FSTL5: variants seen among roughly 807,000 people sequenced by gnomAD.
FSTL5 encodes the protein follistatin like 5.
A neutral mutation model predicts 89.1 loss-of-function variants in FSTL5; 62 were observed. The ratio of observed to expected loss-of-function variants is 0.70; its 90% CI spans 0.57 to 0.86. FSTL5 has a LOEUF of 0.86. FSTL5 is among the 40% of genes least tolerant of loss of function. The pLI is 0.00. For missense variants in FSTL5, 1,057 were observed against 1,001.6 expected (o/e 1.06, Z -0.75); for synonymous variants, 383 against 346.2 (o/e 1.11, Z -1.18).
rs201685805 is a variant in FSTL5 at position 161,816,236 on chromosome 4, GTGAAGA to G, written c.410-40168_410-40163del. Among the ~76,000 whole-genome samples the G allele has an allele frequency of 6.5e-3, 995 of 152,260 alleles. 8 individuals carry two copies. Among genetic ancestry groups the G allele is most frequent in the Non-Finnish European group, 7.1e-3 (485 of 68,016 alleles). ...GGTGCACATATTAGTTAATGTGCAG[GTGAAGA>G]TGGGTACTTATTTGAAATGTTTCAT... is the stretch of plus-strand genomic sequence containing the variant. On this transcript the variant is annotated intron_variant, in intron 4 of 15. Coordinates refer to ENST00000306100, the MANE Select transcript of FSTL5 (RefSeq NM_020116.5).
intron 8 of FSTL5, among the ~76,000 whole-genome samples, chr4:161,573,628 G>A (rs1416285447): frequency 1.3e-5 from 2 of 149,424 alleles, no homozygotes; most frequent in South Asian, 2.1e-4. Flanking sequence ...AGCTACTCCA[G>A]GGGCTGAGGC....
intron 7 of FSTL5, among the ~76,000 whole-genome samples, chr4:161,595,154 A>G (rs909805331): frequency 2.0e-5 from 3 of 152,056 alleles, no homozygotes; most frequent in Non-Finnish European, 4.4e-5. Flanking sequence ...GTATAAAGAC[A>G]TATCAAGCCT....
intron 6 of FSTL5, among the ~76,000 whole-genome samples, chr4:161,710,908 A>C (rs1171840098): frequency 6.6e-6 from 1 of 152,226 alleles, no homozygotes; most frequent in Non-Finnish European, 1.5e-5. Flanking sequence ...AAATTCACGA[A>C]TATGTATAAA....
intron 6 of FSTL5, among the ~76,000 whole-genome samples, chr4:161,666,597 C>A (rs191547432): frequency 1.3e-5 from 2 of 151,956 alleles, no homozygotes; most frequent in Admixed American, 1.3e-4. Context: ...TGTTATAAAG[C>A]GATAACAGAA....
At chr4:161,507,328 CATAA>C (rs1237091320) in intron 11 of FSTL5, among the ~76,000 whole-genome samples, 19 of 151,670 alleles carry the variant, frequency 1.3e-4, no homozygotes, top group African/African-American at 4.3e-4. Context: ...TTATACGTAT[CATAA>C]ATATACTGAA....
At chr4:161,449,341 A>G (rs1307060976) in intron 15 of FSTL5, among the ~76,000 whole-genome samples, 1 of 152,214 alleles carries the variant, frequency 6.6e-6, no homozygotes, top group African/African-American at 2.4e-5. Context: ...CCTCTCAAGA[A>G]ATAAGAGCAA....
intron 3 of FSTL5, among the ~76,000 whole-genome samples, chr4:162,017,465 A>G (rs1736946806): frequency 6.6e-6 from 1 of 152,180 alleles, no homozygotes; most frequent in African/African-American, 2.4e-5. Flanking sequence ...ATGACCATAT[A>G]AGGTGGCAGA....
At chr4:161,592,437 CT>C (rs1408142198) in intron 7 of FSTL5, among the ~76,000 whole-genome samples, 1 of 151,934 alleles carries the variant, frequency 6.6e-6, no homozygotes, top group Non-Finnish European at 1.5e-5. Context: ...CCCCCCACCC[CT>C]GAGAGACCCC....
At chr4:161,865,850 A>T (rs543883654) in intron 4 of FSTL5, among the ~76,000 whole-genome samples, 64 of 152,310 alleles carry the variant, frequency 4.2e-4, no homozygotes, top group Middle Eastern at 3.4e-3. Context: ...TGCAAACAGG[A>T]ATTATTTTAC....
chr4:161,816,408 C>T (rs116086777), intron 4 of FSTL5, among the ~76,000 whole-genome samples: 8 of 152,186 alleles, frequency 5.3e-5, no homozygotes, highest in East Asian at 1.9e-4. Flanking sequence ...TTTATATCTT[C>T]GTGTATAAAA....
At chr4:161,998,088 G>A (rs1050624732) in intron 3 of FSTL5, among the ~76,000 whole-genome samples, 2 of 152,070 alleles carry the variant, frequency 1.3e-5, no homozygotes, top group African/African-American at 2.4e-5. Context: ...GCTACACGGA[G>A]GAAAAGATTC....
rs1247874779 is a variant in FSTL5, at chr4:161,414,721, G to T, written c.1842-28272C>A. Among the ~76,000 whole-genome samples the T allele has an allele frequency of 2.0e-5, 3 of 152,022 alleles. No homozygotes were observed. The East Asian group carries it at 5.8e-4, about 29-fold the overall frequency. Reference sequence around the variant, plus strand: ...ATTAACTGGCAGTTCATTTCCTTCTGCATTTGGAAAAAAAATTAACAGACA... The same window carrying T: ...ATTAACTGGCAGTTCATTTCCTTCTTCATTTGGAAAAAAAATTAACAGACA... On this transcript the variant is annotated intron_variant, in intron 15 of 15. Coordinates refer to ENST00000306100, the MANE Select transcript of FSTL5 (RefSeq NM_020116.5).
intron 4 of FSTL5, among the ~76,000 whole-genome samples, chr4:161,909,202 T>C (rs912684769): frequency 6.6e-6 from 1 of 152,106 alleles, no homozygotes; most frequent in Non-Finnish European, 1.5e-5. Context: ...GGTCCATACA[T>C]AAGCTGAGGC....
intron 7 of FSTL5, among the ~76,000 whole-genome samples, chr4:161,640,815 CT>C (rs1735931882): frequency 6.6e-6 from 1 of 152,124 alleles, no homozygotes. Flanking sequence ...TCTCCACAAA[CT>C]CCAAGTAAGA....
rs1002798852 is a variant in FSTL5, at chr4:161,476,755, G to A, written c.1608+4265C>T. Among the ~76,000 whole-genome samples the A allele has an allele frequency of 3.2e-4, 49 of 152,146 alleles. 1 individual carries two copies. Among genetic ancestry groups the A allele is most frequent in the African/African-American group, 1.1e-3 (45 of 41,432 alleles). ...AGACACTAGGCCTTTAGATGTCCTA[G>A]AAGTCACTTTTGCCAAAGGAAGAGG... On this transcript the variant is annotated intron_variant, in intron 13 of 15. Transcript: ENST00000306100.
intron 6 of FSTL5, among the ~76,000 whole-genome samples, chr4:161,708,899 C>T (rs1175017264): frequency 1.3e-5 from 2 of 152,052 alleles, no homozygotes; most frequent in African/African-American, 4.8e-5. Context: ...CAATAATATA[C>T]AAAATATTTG....
chr4:161,530,278 AT>A (rs1731363691), intron 10 of FSTL5, among the ~76,000 whole-genome samples: 3 of 141,230 alleles, frequency 2.1e-5, no homozygotes, highest in African/African-American at 7.6e-5. Flanking sequence ...ATGTTTTTCA[AT>A]TTTTTTTCAA....
chr4:161,960,615 A>C (rs1735150497), intron 3 of FSTL5, among the ~76,000 whole-genome samples: 1 of 152,116 alleles, frequency 6.6e-6, no homozygotes, highest in African/African-American at 2.4e-5. Context: ...TAACTGGCTA[A>C]AAACAACTTA....
chr4:162,154,317 A>G (rs1733383342), intron 1 of FSTL5, among the ~76,000 whole-genome samples: 1 of 152,184 alleles, frequency 6.6e-6, no homozygotes, highest in Non-Finnish European at 1.5e-5. Context: ...TCTTTAGACT[A>G]CATAAACAAG....
Sources: gnomAD v4.1 joint callset for allele counts (sites outside exome capture counted in the v4.1 genomes callset) on GRCh38, gnomAD v4.1.1 for gene constraint, MANE v1.5 for transcripts, NCBI Gene and HGNC (gene_info 2026-07-23, HGNC 2026-07-21) for gene names.